The following ARHGAP24 variants were observed in gnomAD, a reference collection of about 807,000 sequenced individuals.
ARHGAP24 encodes Rho GTPase activating protein 24.
A neutral mutation model predicts 76.4 loss-of-function variants in ARHGAP24; 50 were observed. The observed-to-expected ratio is 0.65, with a 90% CI of 0.52 to 0.83. ARHGAP24 has a LOEUF of 0.83. Ranked by LOEUF, ARHGAP24 falls within the 40% of genes least tolerant of loss-of-function variation. The pLI is 0.00. For synonymous variants in ARHGAP24, 345 were observed against 323.3 expected (o/e 1.07, Z -0.72); for missense variants, 930 against 914.2 (o/e 1.02, Z -0.22).
In ARHGAP24 at chr4:85,893,780, C is replaced by T. The variant is rs1396493777; in HGVS notation, c.269-29868C>T. Among the ~76,000 whole-genome samples the T allele has an allele frequency of 4.6e-5, 7 of 151,616 alleles. No individual in the cohort carries two copies. In the East Asian group the frequency reaches 5.9e-4, roughly 13 times the overall value. Reference sequence around the variant, plus strand: ...TGAGGGTAACCGGACCTTTCTCTCTCGGGTTCATGTCCTTTGTAGGGACAT... The same window carrying T: ...TGAGGGTAACCGGACCTTTCTCTCTTGGGTTCATGTCCTTTGTAGGGACAT... On this transcript the variant is annotated intron_variant, in intron 3 of 9. Coordinates refer to ENST00000395184, the MANE Select transcript of ARHGAP24 (RefSeq NM_001025616.3).
chr4:86,000,585 G>T lies in ARHGAP24; in HGVS notation c.2110G>T (p.Ala704Ser). The stretch of plus-strand genomic sequence containing the variant: ...AATGATAGAAATAAAAATGCGAAAT[G>T]CCGAGCGAGCAAAAGAAGATGCCGA... ...FTMIEIKMRN[A>S]ERAKEDAEKR... Residue 704 changes from alanine (A) to serine (S), a missense_variant, in exon 10 of 10, where the codon GCC becomes TCC. Physicochemically the swap from Ala to Ser is moderately conservative, Grantham distance 99 (BLOSUM62 1). Transcript: ENST00000395184. The T allele has an allele frequency of 6.2e-7, 1 of 1,613,224 alleles. No individual in the cohort carries two copies. Among genetic ancestry groups the T allele is most frequent in the South Asian group, 1.1e-5 (1 of 91,058 alleles).
intron 2 of ARHGAP24, among the ~76,000 whole-genome samples, chr4:85,715,666 A>G (rs530845612): frequency 9.9e-5 from 15 of 152,174 alleles, no homozygotes; most frequent in African/African-American, 3.6e-4. Flanking sequence ...TATAGCCAGA[A>G]CACTTATGGT....
intron 3 of ARHGAP24, among the ~76,000 whole-genome samples, chr4:85,803,518 G>C (rs934222816): frequency 1.3e-5 from 2 of 152,110 alleles, no homozygotes; most frequent in African/African-American, 2.4e-5. Flanking sequence ...TGCTCATTTT[G>C]CTATTCCTTT....
intron 2 of ARHGAP24, among the ~76,000 whole-genome samples, chr4:85,709,765 T>C (rs1485400125): frequency 6.6e-6 from 1 of 152,032 alleles, no homozygotes; most frequent in Non-Finnish European, 1.5e-5. Context: ...CAGGAACACA[T>C]GCCTATTCAC....
chr4:85,571,093 A>G (rs17010470), intron 2 of ARHGAP24, among the ~76,000 whole-genome samples: 8,079 of 152,278 alleles, frequency 0.053, 687 homozygotes, highest in African/African-American at 0.18. Context: ...TGAAGGAAGA[A>G]CTGTAGGCAC....
At chr4:85,833,741 C>T (rs1049347973) in intron 3 of ARHGAP24, among the ~76,000 whole-genome samples, 2 of 152,160 alleles carry the variant, frequency 1.3e-5, no homozygotes, top group African/African-American at 2.4e-5. Flanking sequence ...TTGGAAGGTA[C>T]AAACAGTTTT....
chr4:85,613,319 G>A (rs535550511), intron 2 of ARHGAP24, among the ~76,000 whole-genome samples: 151 of 152,110 alleles, frequency 9.9e-4, no homozygotes, highest in African/African-American at 3.4e-3. Context: ...GACGTACTTC[G>A]TTCATTTTAA....
At chr4:85,939,268 G>T (rs1736819922) in intron 4 of ARHGAP24, among the ~76,000 whole-genome samples, 1 of 152,294 alleles carries the variant, frequency 6.6e-6, no homozygotes, top group South Asian at 2.1e-4. Context: ...ATTTTTCTCA[G>T]TTGTAGAATG....
At chr4:85,851,276 G>A (rs1731214841) in intron 3 of ARHGAP24, among the ~76,000 whole-genome samples, 1 of 152,112 alleles carries the variant, frequency 6.6e-6, no homozygotes, top group African/African-American at 2.4e-5. Flanking sequence ...AGCAATCCCT[G>A]CTTTTTTTGC....
At chr4:85,984,532 C>T (rs1739867601) in intron 8 of ARHGAP24, among the ~76,000 whole-genome samples, 1 of 152,114 alleles carries the variant, frequency 6.6e-6, no homozygotes, top group Non-Finnish European at 1.5e-5. Context: ...AAAGGCCTTA[C>T]CTCCTAATAC....
At chr4:85,867,206 C>G (rs1032346677) in intron 3 of ARHGAP24, among the ~76,000 whole-genome samples, 1 of 152,118 alleles carries the variant, frequency 6.6e-6, no homozygotes, top group Non-Finnish European at 1.5e-5. Flanking sequence ...ATGTAAAGCA[C>G]CTGGCACTTA....
intron 2 of ARHGAP24, among the ~76,000 whole-genome samples, chr4:85,593,014 T>C (rs1728180536): frequency 6.6e-6 from 1 of 152,110 alleles, no homozygotes; most frequent in Non-Finnish European, 1.5e-5. Context: ...TATTTTTAGT[T>C]TTTTAGGAAC....
chr4:85,851,912 T>C (rs922213831), intron 3 of ARHGAP24, among the ~76,000 whole-genome samples: 19 of 152,210 alleles, frequency 1.2e-4, no homozygotes, highest in African/African-American at 4.1e-4. Context: ...TTGGTGAATC[T>C]GACAATTATG....
chr4:85,564,437 A>G (rs1348786835), intron 1 of ARHGAP24, among the ~76,000 whole-genome samples: 1 of 119,042 alleles, frequency 8.4e-6, no homozygotes, highest in African/African-American at 3.0e-5. Context: ...GATATACCTA[A>G]TGTAAATGAC....
intron 1 of ARHGAP24, among the ~76,000 whole-genome samples, chr4:85,484,733 T>C (rs553497900): frequency 1.3e-5 from 2 of 152,158 alleles, no homozygotes; most frequent in South Asian, 4.1e-4. Context: ...TCTCCTGCCG[T>C]AGCCTCCCGA....
chr4:85,487,715 AAT>A (rs1405727941), intron 1 of ARHGAP24, among the ~76,000 whole-genome samples: 1 of 99,742 alleles, frequency 1.0e-5, no homozygotes, highest in Non-Finnish European at 1.7e-5. Context: ...ATATTATATA[AAT>A]ATATATTTAT....
At chr4:85,623,666 A>G (rs1008382682) in intron 2 of ARHGAP24, among the ~76,000 whole-genome samples, 4 of 151,650 alleles carry the variant, frequency 2.6e-5, no homozygotes, top group African/African-American at 9.7e-5. Flanking sequence ...CATTGAATCT[A>G]TAAATTACCA....
chr4:85,590,880 C>T (rs1324748007), intron 2 of ARHGAP24, among the ~76,000 whole-genome samples: 1 of 151,654 alleles, frequency 6.6e-6, no homozygotes, highest in Non-Finnish European at 1.5e-5. Flanking sequence ...TTTGTCATGA[C>T]TTTTAAAAAT....
intron 3 of ARHGAP24, among the ~76,000 whole-genome samples, chr4:85,777,277 A>G (rs1307608293): frequency 6.6e-6 from 1 of 152,240 alleles, no homozygotes; most frequent in Non-Finnish European, 1.5e-5. Flanking sequence ...CCTGCCAAAG[A>G]ACAGGGCAAG....
Sources: allele counts gnomAD v4.1 joint callset (sites outside exome capture counted in the v4.1 genomes callset), GRCh38; gene constraint gnomAD v4.1.1; transcripts MANE v1.5; gene names NCBI Gene and HGNC (gene_info 2026-07-23, HGNC 2026-07-21).